PGCKA1: variants seen among roughly 807,000 people sequenced by gnomAD.
The protein encoded by PGCKA1 is PDCD10 and GCKIII kinases associated 1.
chr4:37,470,055 A>C, the PGCKA1 span, among the ~76,000 whole-genome samples: 2 of 152,206 alleles, frequency 1.3e-5, no homozygotes, highest in Non-Finnish European at 2.9e-5. Flanking sequence ...CACTCAACAA[A>C]TATGTATTGA....
At chr4:37,485,998 G>A in the PGCKA1 span, among the ~76,000 whole-genome samples, 5 of 152,086 alleles carry the variant, frequency 3.3e-5, no homozygotes, top group African/African-American at 4.8e-5. Context: ...TTGAATTATC[G>A]CCTCTATTCA....
At chr4:37,530,705 G>A in the PGCKA1 span, among the ~76,000 whole-genome samples, 7 of 151,880 alleles carry the variant, frequency 4.6e-5, no homozygotes, top group Non-Finnish European at 1.0e-4. Context: ...GGTCAGATAC[G>A]GTGGCTCACG....
the PGCKA1 span, among the ~76,000 whole-genome samples, chr4:37,465,295 C>A: frequency 6.6e-6 from 1 of 151,538 alleles, no homozygotes; most frequent in Non-Finnish European, 1.5e-5. Flanking sequence ...GAACAAGCAT[C>A]TGCGGAGGTC....
the PGCKA1 span, among the ~76,000 whole-genome samples, chr4:37,583,712 C>T: frequency 2.0e-5 from 3 of 152,110 alleles, no homozygotes; most frequent in African/African-American, 4.8e-5. Context: ...ACAGAGTCAG[C>T]CCCCAACACA....
the PGCKA1 span, among the ~76,000 whole-genome samples, chr4:37,554,833 T>TA: frequency 6.6e-6 from 1 of 152,124 alleles, no homozygotes; most frequent in African/African-American, 2.4e-5. Flanking sequence ...CATTAAAGAA[T>TA]AATGAAAAGT....
chr4:37,503,239 G>A, the PGCKA1 span, among the ~76,000 whole-genome samples: 1 of 152,180 alleles, frequency 6.6e-6, no homozygotes, highest in Non-Finnish European at 1.5e-5. Context: ...TTCCCCCAGA[G>A]TCATTGGAAG....
chr4:37,459,677 C>T, the PGCKA1 span, among the ~76,000 whole-genome samples: 1 of 152,110 alleles, frequency 6.6e-6, no homozygotes, highest in Non-Finnish European at 1.5e-5. Context: ...TCAGAACCTG[C>T]ATTTTAACAG....
chr4:37,580,201 G>A, the PGCKA1 span, among the ~76,000 whole-genome samples: 3 of 151,254 alleles, frequency 2.0e-5, no homozygotes, highest in East Asian at 5.8e-4. Context: ...ATTTCTTTGA[G>A]TTTCCTCAAT....
At chr4:37,487,861 T>G in the PGCKA1 span, among the ~76,000 whole-genome samples, 1 of 152,198 alleles carries the variant, frequency 6.6e-6, no homozygotes, top group Non-Finnish European at 1.5e-5. Context: ...TTTTCTTTTT[T>G]ATTGCTCAGT....
chr4:37,454,202 A>G, the PGCKA1 span, among the ~76,000 whole-genome samples: 435 of 152,202 alleles, frequency 2.9e-3, 2 homozygotes, highest in African/African-American at 1.0e-2. Flanking sequence ...ACGCAATTCA[A>G]AGTTTGATGA....
the PGCKA1 span, among the ~76,000 whole-genome samples, chr4:37,553,525 C>G: frequency 6.6e-6 from 1 of 152,062 alleles, no homozygotes; most frequent in African/African-American, 2.4e-5. Flanking sequence ...GGGATTAATG[C>G]CACATTTCAT....
the PGCKA1 span, among the ~76,000 whole-genome samples, chr4:37,490,998 G>A: frequency 6.6e-6 from 1 of 152,104 alleles, no homozygotes; most frequent in African/African-American, 2.4e-5. Flanking sequence ...TTACTTTTTA[G>A]CTCTATTTAT....
chr4:37,518,731 CTT>C, the PGCKA1 span, among the ~76,000 whole-genome samples: 1 of 152,130 alleles, frequency 6.6e-6, no homozygotes, highest in Non-Finnish European at 1.5e-5. Flanking sequence ...TGTGTCTTCA[CTT>C]TGTTCGTTGT....
chr4:37,499,514 T>A, the PGCKA1 span, among the ~76,000 whole-genome samples: 1 of 152,204 alleles, frequency 6.6e-6, no homozygotes, highest in Admixed American at 6.5e-5. Flanking sequence ...GGATTCAATT[T>A]CTTCCTGGTT....
At chr4:37,585,920 T>C in the PGCKA1 span, among the ~76,000 whole-genome samples, 1 of 151,902 alleles carries the variant, frequency 6.6e-6, no homozygotes, top group African/African-American at 2.4e-5. Flanking sequence ...AAATATACCA[T>C]GTAGCCCTTA....
At chr4:37,485,875 G>A in the PGCKA1 span, among the ~76,000 whole-genome samples, 4 of 152,222 alleles carry the variant, frequency 2.6e-5, no homozygotes, top group African/African-American at 9.6e-5. Flanking sequence ...AAAATAGAAG[G>A]AACTGAGCAG....
the PGCKA1 span, chr4:37,460,494 C>G: frequency 2.3e-6 from 1 of 442,834 alleles, no homozygotes; most frequent in South Asian, 1.6e-5. Context: ...GCCTTGCCAG[C>G]ATCTACTGTT....
At chr4:37,499,312 G>A in the PGCKA1 span, among the ~76,000 whole-genome samples, 5 of 152,166 alleles carry the variant, frequency 3.3e-5, no homozygotes, top group African/African-American at 1.2e-4. Context: ...CCAGCTTTTG[G>A]TAGCAGGATG....
chr4:37,528,263 C>A, the PGCKA1 span, among the ~76,000 whole-genome samples: 1 of 152,156 alleles, frequency 6.6e-6, no homozygotes, highest in Non-Finnish European at 1.5e-5. Context: ...TGTTGTCATT[C>A]ACATCCTCGG....
Sources: gnomAD v4.1 joint callset for allele counts (sites outside exome capture counted in the v4.1 genomes callset) on GRCh38, gnomAD v4.1.1 for gene constraint, MANE v1.5 for transcripts, NCBI Gene and HGNC (gene_info 2026-07-23, HGNC 2026-07-21) for gene names.